The following APOA2 variants were observed in gnomAD, a reference collection of about 807,000 sequenced individuals.
The protein encoded by APOA2 is apolipoprotein A2.
In APOA2, 3 loss-of-function variants were observed where a neutral mutation model predicts 7.4. The ratio of observed to expected loss-of-function variants is 0.41; its 90% CI spans 0.18 to 1.05. The LOEUF (loss-of-function observed/expected upper bound fraction) is 1.05, where lower values mean the gene tolerates loss of function less well. APOA2 is among the 50% of genes least tolerant of loss of function. The pLI is 0.33. For missense variants in APOA2, 90 were observed against 116.3 expected (o/e 0.77, Z 1.04); for synonymous variants, 42 against 47.8 (o/e 0.88, Z 0.50).
rs760691677 is a variant in APOA2 at position 161,222,538 on chromosome 1, G to A, written c.186-16C>T. The A allele has an allele frequency of 8.1e-6, 13 of 1,606,576 alleles. No homozygotes were observed. The highest frequency in any genetic ancestry group is 2.2e-5 in the South Asian group (2 of 90,904). Reference sequence around the variant, plus strand: ...AAAGTAAGACCTGGATAGGTGAGGGGATTAGAGTTTAATCTGAGGGACCCT... The same window carrying A: ...AAAGTAAGACCTGGATAGGTGAGGGAATTAGAGTTTAATCTGAGGGACCCT... On this transcript the variant is annotated splice_polypyrimidine_tract_variant and intron_variant, in intron 3 of 3. Coordinates refer to ENST00000367990, the MANE Select transcript of APOA2 (RefSeq NM_001643.2).
At chr1:161,222,894 T>G (rs1333437768) in intron 3 of APOA2, 24 bp downstream of exon 3, 6 of 1,614,174 alleles carry the variant, frequency 3.7e-6, no homozygotes, top group Non-Finnish European at 2.5e-6. Flanking sequence ...CCACAGCCCC[T>G]GAACCCCTTG....
chr1:161,223,011 T>C lies in APOA2; in HGVS notation c.92A>G (p.Glu31Gly). ...VRRQAKEPCV[E>G]SLVSQYFQTV... ...CTGGAAGTACTGAGAAACCAGGCTC[T>C]CCACACATGGCTCCTTTGCCTGTCT... The change falls in exon 3 of 4, where the codon GAG becomes GGG. Residue 31 changes from glutamate (E) to glycine (G), a missense_variant. Physicochemically the swap from Glu to Gly is moderately conservative, Grantham distance 98. Transcript: ENST00000367990. 1.2e-6 allele frequency: 2 copies of C among 1,613,840 alleles called. No individual in the cohort carries two copies. Among genetic ancestry groups the C allele is most frequent in the Non-Finnish European group, 1.7e-6 (2 of 1,179,992 alleles).
chr1:161,223,138 A>G, intron 2 of APOA2, 88 bp from the exon 3 acceptor site: 11 of 1,599,760 alleles, frequency 6.9e-6, no homozygotes, highest in African/African-American at 1.3e-5. Flanking sequence ...GCCTCCTGCC[A>G]TACCTCTGCC....
At chr1:161,223,293 GT>G in intron 2 of APOA2, 56 bp downstream of exon 2, 1 of 1,605,144 alleles carries the variant, frequency 6.2e-7, no homozygotes, top group Non-Finnish European at 8.5e-7. Context: ...AGGCAGATAG[GT>G]AGCTATAACC....
At chr1:161,223,256 G>T in intron 2 of APOA2, 94 bp downstream of exon 2, 1 of 1,575,000 alleles carries the variant, frequency 6.3e-7, no homozygotes, top group South Asian at 1.1e-5. Flanking sequence ...TGAGCCCTTT[G>T]GTTGCCAGAC....
chr1:161,222,619 C>G, intron 3 of APOA2, 97 bp from the exon 4 acceptor site: 1 of 1,143,226 alleles, frequency 8.7e-7, no homozygotes, highest in Non-Finnish European at 1.3e-6. Flanking sequence ...TGACTCAGGT[C>G]CCCAAACTCT....
At chr1:161,223,179 CA>C in intron 2 of APOA2, 129 bp from the exon 3 acceptor site, 1 of 1,564,644 alleles carries the variant, frequency 6.4e-7, no homozygotes. Context: ...GCCCCCTCCC[CA>C]AAAAGGTATC....
Position 161,223,603 on chromosome 1 carries a change from C to T in APOA2, c.-33G>A, listed in dbSNP as rs935837640. 16 of 638,920 alleles carry T rather than the reference C, an allele frequency of 2.5e-5. No individual in the cohort carries two copies. Among genetic ancestry groups the T allele is most frequent in the African/African-American group, 3.6e-5 (2 of 55,190 alleles). The allele number at this position is 638,920 out of a possible 1,614,324, so 39.6% of individuals were successfully genotyped here. On this transcript the variant is annotated 5_prime_UTR_variant, in exon 1 of 4. Transcript: ENST00000367990. ...TTGCCTCCTTATCTTACCTAGCCAG[C>T]GTCTCTGTCCTTGGTGTCTGTGCCT... is the stretch of plus-strand genomic sequence containing the variant.
Position 161,222,456 on chromosome 1 carries a change from A to G in APOA2, c.252T>C (p.Val84=), listed in dbSNP as rs757032616. 9.9e-6 allele frequency: 16 copies of G among 1,614,204 alleles called. No homozygotes were observed. Among genetic ancestry groups the G allele is most frequent in the Middle Eastern group, 1.6e-4 (1 of 6,062 alleles). Residue 84 remains valine (V), a synonymous_variant, in exon 4 of 4, where the codon GTT becomes GTC. Coordinates refer to ENST00000367990, the MANE Select transcript of APOA2 (RefSeq NM_001643.2). The part of the protein sequence containing the change: ...PLIKKAGTEL[V]NFLSYFVELG... ...GTTCCACGAAATAGCTCAAGAAGTT[A>G]ACCAGTTCCGTTCCAGCCTTCTTGA...
chr1:161,222,419 G>A lies in APOA2; in HGVS notation c.289C>T (p.Pro97Ser), dbSNP rs766810017. 5 of 1,614,092 alleles carry A rather than the reference G, an allele frequency of 3.1e-6. No individual in the cohort carries two copies. In the South Asian group the frequency reaches 4.4e-5, roughly 14 times the overall value. Residue 97 changes from proline (P) to serine (S), a missense_variant, in exon 4 of 4, where the codon CCT becomes TCT. By Grantham distance (74) the Pro-to-Ser change is moderately conservative. Transcript: ENST00000367990. ...GTCTGGACACTTCACTGGGTGGCAG[G>A]CTGTGTTCCAAGTTCCACGAAATAG... ...LSYFVELGTQ[P>S]ATQ
Position 161,222,348 on chromosome 1 carries a change from C to T in APOA2, c.*57G>A. 7.7e-7 allele frequency: 1 copy of T among 1,299,614 alleles called. No individual in the cohort carries two copies. The highest frequency in any genetic ancestry group is 1.2e-5 in the South Asian group (1 of 84,074). 80.5% of individuals were successfully genotyped at this position (1,299,614 alleles called of 1,614,324 possible). On this transcript the variant is annotated 3_prime_UTR_variant, in exon 4 of 4. Transcript: ENST00000367990. Reference sequence around the variant, plus strand: ...GTGGGTAGGGACAGGAGCTCTAGGACTGGCCAGTGGGTGTTCTAGAGGCCA... The same window carrying T: ...GTGGGTAGGGACAGGAGCTCTAGGATTGGCCAGTGGGTGTTCTAGAGGCCA...
intron 3 of APOA2, 105 bp from the exon 4 acceptor site, chr1:161,222,627 T>A: frequency 9.2e-7 from 1 of 1,086,334 alleles, no homozygotes; most frequent in South Asian, 1.3e-5. Context: ...GTCCCCAAAC[T>A]CTAGTGCCTG....
At chr1:161,223,298 T>C (rs778399317) in intron 2 of APOA2, 52 bp downstream of exon 2, 52 of 1,608,088 alleles carry the variant, frequency 3.2e-5, no homozygotes, top group Non-Finnish European at 4.1e-5. Flanking sequence ...GATAGGTAGC[T>C]ATAACCACCA....
chr1:161,223,085 AC>A, intron 2 of APOA2, 35 bp from the exon 3 acceptor site: 2 of 1,169,760 alleles, frequency 1.7e-6, no homozygotes, highest in Non-Finnish European at 2.4e-6. Flanking sequence ...ACACACACAC[AC>A]ACACACACTC....
At position 161,223,390 on chromosome 1, in the gene APOA2, G is replaced by A. The variant is rs761252493; in HGVS notation, c.12C>T (p.Leu4=). The A allele has an allele frequency of 9.9e-6, 16 of 1,613,586 alleles. No individual in the cohort carries two copies. The highest frequency in any genetic ancestry group is 1.3e-5 in the Non-Finnish European group (15 of 1,179,874). The stretch of plus-strand genomic sequence containing the variant: ...TGGTGAGGAGTAGCACAGTTGCTGC[G>A]AGCAGCTTCATGTTGGTAACAGTGG... The part of the protein sequence containing the change: MKL[L]AATVLLLTIC... Residue 4 remains leucine (L), a synonymous_variant, in exon 2 of 4, where the codon CTC becomes CTT. Transcript: ENST00000367990.
In APOA2 at chr1:161,223,055, CCACACACACACACACACACACACA is replaced by C. The variant is rs17244502; in HGVS notation, c.53-29_53-6del. 15 of 1,588,304 alleles carry C rather than the reference CCACACACACACACACACACACACA, an allele frequency of 9.4e-6. No individual in the cohort carries two copies. In the East Asian group the frequency reaches 3.4e-4, roughly 36 times the overall value. On this transcript the variant is annotated splice_region_variant and splice_polypyrimidine_tract_variant and intron_variant, in intron 2 of 3. Transcript: ENST00000367990. ...CCTGTCTCCGAACCAAAGCTCCTGC[CCACACACACACACACACACACACA>C]CACACACACACACACTCTTTTCAGC...
intron 1 of APOA2, 48 bp from the exon 2 acceptor site, chr1:161,223,473 C>T: frequency 6.8e-7 from 1 of 1,479,948 alleles, no homozygotes; most frequent in Non-Finnish European, 9.3e-7. Context: ...GCCAAATGGG[C>T]TTCAGCTCCT....
Position 161,223,346 on chromosome 1 carries a change from C to T in APOA2, c.52+4G>A, listed in dbSNP as rs1390049281. The T allele has an allele frequency of 1.9e-6, 3 of 1,613,790 alleles. No homozygotes were observed. The highest frequency in any genetic ancestry group is 2.5e-6 in the Non-Finnish European group (3 of 1,179,938). On this transcript the variant is annotated splice_donor_region_variant and intron_variant, in intron 2 of 3. Coordinates refer to ENST00000367990, the MANE Select transcript of APOA2 (RefSeq NM_001643.2). The stretch of plus-strand genomic sequence containing the variant: ...TTTTGGCCCCCTCTCCATATCACAC[C>T]CACCTTCAAGGCTGCAGATGGTGAG...
rs1447797616 is a variant in APOA2, at chr1:161,222,501, C to T, written c.207G>A (p.Lys69=). The T allele has an allele frequency of 1.9e-6, 3 of 1,614,042 alleles. No homozygotes were observed. Among genetic ancestry groups the T allele is most frequent in the Admixed American group, 1.7e-5 (1 of 60,008 alleles). The change falls in exon 4 of 4, where the codon AAG becomes AAA. Residue 69 remains lysine (K), a synonymous_variant. Transcript: ENST00000367990. Reference sequence around the variant, plus strand: ...TCTTGATCAGGGGTGTCAGCTGCTCCTTTGACTTTTCAAAGTAAGACCTGG... The same window carrying T: ...TCTTGATCAGGGGTGTCAGCTGCTCTTTTGACTTTTCAAAGTAAGACCTGG... The part of the protein sequence containing the change: ...AEAKSYFEKS[K]EQLTPLIKKA...
Sources: allele counts gnomAD v4.1 joint callset, GRCh38; gene constraint gnomAD v4.1.1; transcripts MANE v1.5; gene names NCBI Gene and HGNC (gene_info 2026-07-23, HGNC 2026-07-21).